The following LSAMP variants were observed in gnomAD, a reference collection of about 807,000 sequenced individuals.
LSAMP encodes limbic system-associated membrane protein.
In LSAMP, 7 loss-of-function variants were observed where a neutral mutation model predicts 38.6. The ratio of observed to expected loss-of-function variants is 0.18; its 90% confidence interval spans 0.10 to 0.34. The LOEUF is 0.34. Among genes scored for constraint, LSAMP ranks in the 10% least tolerant of loss-of-function variants. The probability of loss-of-function intolerance (pLI) is 1.00; values close to 1 mark genes in which losing one functional copy is unlikely to be tolerated. For missense variants in LSAMP, 313 were observed against 420.0 expected (o/e 0.75, Z 2.23); for synonymous variants, 154 against 166.8 (o/e 0.92, Z 0.59).
chr3:115,946,195 T>C (rs1938092100), intron 3 of LSAMP, among the ~76,000 whole-genome samples: 1 of 152,110 alleles, frequency 6.6e-6, no homozygotes, highest in African/African-American at 2.4e-5. Flanking sequence ...CACTTATGTG[T>C]GGAATGTAAG....
chr3:116,129,729 C>T lies in LSAMP; in HGVS notation c.156-43173G>A, dbSNP rs146099359. On this transcript the variant is annotated intron_variant, in intron 1 of 6. Transcript: ENST00000490035. ...GCTTGGTCAGTGGAAGAATGAATGC[C>T]AGGTGGATATGTGCACATAGGAGCA... 1.2e-4 allele frequency among the ~76,000 whole-genome samples: 18 copies of T among 152,266 alleles called. No individual in the cohort carries two copies. In the East Asian group the frequency reaches 2.7e-3, roughly 23 times the overall value.
chr3:116,186,340 T>A (rs530702541), intron 1 of LSAMP, among the ~76,000 whole-genome samples: 1 of 152,212 alleles, frequency 6.6e-6, no homozygotes, highest in African/African-American at 2.4e-5. Context: ...ACCACAACCA[T>A]CTGTAGAAGT....
At chr3:116,223,249 T>G (rs2046308931) in intron 1 of LSAMP, among the ~76,000 whole-genome samples, 1 of 152,126 alleles carries the variant, frequency 6.6e-6, no homozygotes, top group African/African-American at 2.4e-5. Context: ...GTAATAGAAA[T>G]TCCAAAATCA....
At chr3:116,435,656 T>C (rs770966450) in intron 1 of LSAMP, among the ~76,000 whole-genome samples, 12 of 152,138 alleles carry the variant, frequency 7.9e-5, no homozygotes, top group Non-Finnish European at 1.2e-4. Context: ...TTCCTCCCAA[T>C]TGGCCACCAT....
chr3:116,262,452 C>T (rs2046836916), intron 1 of LSAMP, among the ~76,000 whole-genome samples: 1 of 152,134 alleles, frequency 6.6e-6, no homozygotes, highest in Non-Finnish European at 1.5e-5. Context: ...GGTCTTAAAT[C>T]CTCCCATAAA....
chr3:116,123,356 C>T (rs1708929957), intron 1 of LSAMP, among the ~76,000 whole-genome samples: 1 of 152,176 alleles, frequency 6.6e-6, no homozygotes, highest in East Asian at 1.9e-4. Context: ...ACAGTTTATC[C>T]TCTGCATATA....
At chr3:116,199,556 A>C (rs1707764601) in intron 1 of LSAMP, among the ~76,000 whole-genome samples, 1 of 152,202 alleles carries the variant, frequency 6.6e-6, no homozygotes, top group South Asian at 2.1e-4. Flanking sequence ...TAGTCTTAGC[A>C]CCTAGTCTGC....
At chr3:116,228,443 C>CA (rs200802271) in intron 1 of LSAMP, among the ~76,000 whole-genome samples, 3 of 151,974 alleles carry the variant, frequency 2.0e-5, no homozygotes, top group African/African-American at 4.8e-5. Flanking sequence ...CAACCTTAGA[C>CA]AAAATCACTA....
At chr3:116,185,110 A>AT (rs1355128250) in intron 1 of LSAMP, among the ~76,000 whole-genome samples, 2 of 127,422 alleles carry the variant, frequency 1.6e-5, no homozygotes, top group African/African-American at 6.0e-5. Context: ...AGATTTCTTC[A>AT]TTTTTCCCTT....
intron 6 of LSAMP, chr3:115,837,875 G>A (rs1449624091): frequency 6.6e-6 from 1 of 152,236 alleles, no homozygotes. Context: ...TAGTACGGTT[G>A]TTGTGATGCA....
chr3:116,042,224 C>T (rs1941189924), intron 2 of LSAMP, among the ~76,000 whole-genome samples: 3 of 152,286 alleles, frequency 2.0e-5, no homozygotes, highest in Admixed American at 2.0e-4. Flanking sequence ...CTAACATTCA[C>T]TGAGCACTTA....
intron 1 of LSAMP, among the ~76,000 whole-genome samples, chr3:116,116,623 A>G (rs532879886): frequency 2.0e-5 from 3 of 151,856 alleles, no homozygotes; most frequent in Admixed American, 6.6e-5. Context: ...AGGCTGAGGC[A>G]GGAGAAACGC....
intron 3 of LSAMP, among the ~76,000 whole-genome samples, chr3:115,879,968 T>C (rs1936280470): frequency 6.6e-6 from 1 of 152,076 alleles, no homozygotes; most frequent in African/African-American, 2.4e-5. Context: ...CAATTTATCA[T>C]TGAAAAAAAT....
At chr3:115,841,764 G>A in intron 6 of LSAMP, 81 bp downstream of exon 6, 1 of 1,493,520 alleles carries the variant, frequency 6.7e-7, no homozygotes, top group East Asian at 2.3e-5. Flanking sequence ...ACTTTTAATA[G>A]CTAAGGGAAT....
intron 1 of LSAMP, among the ~76,000 whole-genome samples, chr3:116,266,030 A>G (rs115758218): frequency 0.013 from 2,023 of 152,104 alleles, 53 homozygotes; most frequent in African/African-American, 0.047. Context: ...TTTTTTTAAC[A>G]GAAGGGAAGT....
chr3:116,055,382 A>G (rs1168622348), intron 2 of LSAMP, among the ~76,000 whole-genome samples: 1 of 152,214 alleles, frequency 6.6e-6, no homozygotes, highest in Non-Finnish European at 1.5e-5. Flanking sequence ...TTGCCATAAC[A>G]GAAACACATA....
chr3:116,218,452 C>T (rs191034841), intron 1 of LSAMP, among the ~76,000 whole-genome samples: 2 of 152,272 alleles, frequency 1.3e-5, no homozygotes, highest in East Asian at 3.9e-4. Flanking sequence ...AACCACTCCT[C>T]GCCACCACTG....
chr3:115,982,140 T>C (rs1397390746), intron 3 of LSAMP, among the ~76,000 whole-genome samples: 4 of 152,182 alleles, frequency 2.6e-5, no homozygotes, highest in Admixed American at 6.5e-5. Flanking sequence ...ATTCTACGGA[T>C]AGGGAAAGGA....
intron 3 of LSAMP, among the ~76,000 whole-genome samples, chr3:115,909,617 A>C (rs1937091827): frequency 6.6e-6 from 1 of 152,032 alleles, no homozygotes; most frequent in South Asian, 2.1e-4. Flanking sequence ...TTTTTCTTTT[A>C]TTTAAATCAA....
Sources: allele counts gnomAD v4.1 joint callset (sites outside exome capture counted in the v4.1 genomes callset), GRCh38; gene constraint gnomAD v4.1.1; transcripts MANE v1.5; gene names NCBI Gene and HGNC (gene_info 2026-07-23, HGNC 2026-07-21).